RASGRF2: variants seen among roughly 807,000 people sequenced by gnomAD.
The protein encoded by RASGRF2 is Ras protein specific guanine nucleotide releasing factor 2.
In RASGRF2, 76 loss-of-function variants were observed where a neutral mutation model predicts 151.0. That is an observed-to-expected ratio of 0.50 (90% CI 0.42 to 0.61). The LOEUF is 0.61. Among genes scored for constraint, RASGRF2 ranks in the 20% least tolerant of loss-of-function variants. RASGRF2 has a pLI of 0.00. For synonymous variants in RASGRF2, 504 were observed against 566.5 expected (o/e 0.89, Z 1.57); for missense variants, 1,148 against 1,564.6 (o/e 0.73, Z 4.49).
At chr5:81,187,975 T>C (rs1383278880) in intron 18 of RASGRF2, among the ~76,000 whole-genome samples, 1 of 152,202 alleles carries the variant, frequency 6.6e-6, no homozygotes, top group African/African-American at 2.4e-5. Flanking sequence ...GAGGTTGGGC[T>C]AGGACAAACA....
At chr5:81,109,769 G>A (rs114180904) in intron 13 of RASGRF2, among the ~76,000 whole-genome samples, 1 of 152,246 alleles carries the variant, frequency 6.6e-6, no homozygotes, top group Non-Finnish European at 1.5e-5. Flanking sequence ...CAGTGTCTAC[G>A]TCCAATCTCA....
chr5:81,008,907 C>T (rs1357906292), intron 1 of RASGRF2, among the ~76,000 whole-genome samples: 1 of 152,154 alleles, frequency 6.6e-6, no homozygotes, highest in Non-Finnish European at 1.5e-5. Flanking sequence ...TCTTCCTTTC[C>T]GTGTGATCCA....
intron 17 of RASGRF2, among the ~76,000 whole-genome samples, chr5:81,135,900 A>G (rs890874143): frequency 6.6e-6 from 1 of 152,254 alleles, no homozygotes; most frequent in Non-Finnish European, 1.5e-5. Context: ...TTCCATCAGC[A>G]GTGTAATTGA....
chr5:81,188,459 T>C (rs1358048937), intron 18 of RASGRF2, among the ~76,000 whole-genome samples: 1 of 152,112 alleles, frequency 6.6e-6, no homozygotes, highest in Non-Finnish European at 1.5e-5. Flanking sequence ...TGCATAGAAG[T>C]CATCTAGGAG....
chr5:80,988,008 C>CGTGTGTGT (rs58750663), intron 1 of RASGRF2, among the ~76,000 whole-genome samples: 79 of 139,490 alleles, frequency 5.7e-4, no homozygotes, highest in South Asian at 1.0e-3. Flanking sequence ...AATAAATGTG[C>CGTGTGTGT]GTGTGTGTGT....
chr5:81,226,733 T>C lies in RASGRF2; in HGVS notation c.*963T>C, dbSNP rs1756009576. ...AATCTATTCTCATTTACACAGACCT[T>C]TTTTTAGGCTTACTATGAACATTGG... is the stretch of plus-strand genomic sequence containing the variant. On this transcript the variant is annotated 3_prime_UTR_variant, in exon 27 of 27. Transcript: ENST00000265080. 1 of 152,236 alleles carries C rather than the reference T, an allele frequency of 6.6e-6. No individual in the cohort carries two copies. The highest frequency in any genetic ancestry group is 1.5e-5 in the Non-Finnish European group (1 of 68,042). 9.4% of individuals were successfully genotyped at this position (152,236 alleles called of 1,614,324 possible).
chr5:81,224,695 A>ACTCAGCCATGAGAGGGAGCGGACTACTT, intron 26 of RASGRF2, among the ~76,000 whole-genome samples: 1 of 152,362 alleles, frequency 6.6e-6, no homozygotes, highest in Middle Eastern at 3.4e-3. Context: ...ATGGACTACT[A>ACTCAGCCATGAGAGGGAGCGGACTACTT]CTCAGCCATG....
At position 80,963,294 on chromosome 5, in the gene RASGRF2, A is replaced by G. The variant is rs1411189233; in HGVS notation, c.288+2268A>G. Among the ~76,000 whole-genome samples, 7 of 152,274 alleles carry G rather than the reference A, an allele frequency of 4.6e-5. No individual in the cohort carries two copies. The East Asian group carries it at 1.4e-3, about 29-fold the overall frequency. ...CCAAGGTTTGCTTCTTTCTCCTTAT[A>G]TGCTTCTGGAGCTTTCCATATCAAT... On this transcript the variant is annotated intron_variant, in intron 1 of 26. Coordinates refer to ENST00000265080, the MANE Select transcript of RASGRF2 (RefSeq NM_006909.3).
rs757254980 is a variant in RASGRF2 at position 81,217,437 on chromosome 5, T to G, written c.3516T>G (p.Thr1172=). 6 of 1,613,348 alleles carry G rather than the reference T, an allele frequency of 3.7e-6. No individual in the cohort carries two copies. In the East Asian group the frequency reaches 8.9e-5, roughly 24 times the overall value. ...AFIEEGTPNF[T]EEGLVNFSKM... Reference sequence around the variant, plus strand: ...TTGAAGAAGGAACACCAAACTTTACTGAGGAAGGCCTTGTCAATTTCTCCA... The same window carrying G: ...TTGAAGAAGGAACACCAAACTTTACGGAGGAAGGCCTTGTCAATTTCTCCA... Residue 1172 remains threonine, a synonymous_variant, in exon 25 of 27, where the codon ACT becomes ACG. Transcript: ENST00000265080.
intron 9 of RASGRF2, among the ~76,000 whole-genome samples, chr5:81,089,287 A>G (rs1752326461): frequency 6.6e-6 from 1 of 152,110 alleles, no homozygotes; most frequent in Non-Finnish European, 1.5e-5. Context: ...AGGTGTACTA[A>G]TATTTGTGTT....
chr5:81,091,830 G>A (rs1206704756), intron 9 of RASGRF2, among the ~76,000 whole-genome samples: 8 of 152,150 alleles, frequency 5.3e-5, no homozygotes, highest in Non-Finnish European at 1.2e-4. Context: ...TGTTGTTAAT[G>A]TTCAAGGGTT....
intron 17 of RASGRF2, among the ~76,000 whole-genome samples, chr5:81,142,217 C>T (rs536197674): frequency 6.0e-5 from 9 of 150,276 alleles, no homozygotes; most frequent in East Asian, 2.0e-4. Context: ...TAAGAACAGC[C>T]GGGGACTTCC....
intron 2 of RASGRF2, among the ~76,000 whole-genome samples, chr5:81,059,687 A>C (rs548544876): frequency 6.1e-4 from 92 of 151,976 alleles, no homozygotes; most frequent in Admixed American, 8.5e-4. Context: ...TCTACTAAAA[A>C]TATAAAAATT....
intron 1 of RASGRF2, among the ~76,000 whole-genome samples, chr5:80,970,117 G>T (rs186412955): frequency 6.6e-6 from 1 of 152,118 alleles, no homozygotes; most frequent in African/African-American, 2.4e-5. Context: ...GAGCCACCGC[G>T]CCCTTTGCAC....
At position 81,060,511 on chromosome 5, in the gene RASGRF2, CAT is replaced by C. The variant is rs552017615; in HGVS notation, c.396-7518_396-7517del. ...CTCTACAGTACTCATCACCAGGTGA[CAT>C]ATGATAGATTTGTCTTATTAATGTT... On this transcript the variant is annotated intron_variant, in intron 2 of 26. Transcript: ENST00000265080. 2.0e-5 allele frequency among the ~76,000 whole-genome samples: 3 copies of C among 152,224 alleles called. No individual in the cohort carries two copies. In the South Asian group the frequency reaches 6.2e-4, roughly 32 times the overall value.
At chr5:81,052,929 C>CT (rs1561579229) in intron 2 of RASGRF2, among the ~76,000 whole-genome samples, 1 of 151,682 alleles carries the variant, frequency 6.6e-6, no homozygotes, top group South Asian at 2.1e-4. Flanking sequence ...TTCTTTCTTT[C>CT]TTTTTTTTAT....
intron 17 of RASGRF2, among the ~76,000 whole-genome samples, chr5:81,148,402 A>G (rs1374989043): frequency 6.6e-6 from 1 of 152,190 alleles, no homozygotes; most frequent in Admixed American, 6.5e-5. Flanking sequence ...GAAAGCTCTG[A>G]GAACTGCCTT....
intron 16 of RASGRF2, 51 bp downstream of exon 16, chr5:81,123,818 G>A: frequency 6.4e-7 from 1 of 1,550,780 alleles, no homozygotes; most frequent in Non-Finnish European, 8.8e-7. Context: ...ATGATTTCTA[G>A]CTTCTGAACC....
chr5:80,978,220 A>G (rs1383528733), intron 1 of RASGRF2, among the ~76,000 whole-genome samples: 1 of 152,212 alleles, frequency 6.6e-6, no homozygotes, highest in East Asian at 1.9e-4. Context: ...TCTAAAATGT[A>G]TACTAAAAGG....
Sources: gnomAD v4.1 joint callset for allele counts (sites outside exome capture counted in the v4.1 genomes callset) on GRCh38, gnomAD v4.1.1 for gene constraint, MANE v1.5 for transcripts, NCBI Gene and HGNC (gene_info 2026-07-23, HGNC 2026-07-21) for gene names.